The following FAM171A1 variants were observed in gnomAD, a reference collection of about 807,000 sequenced individuals.
The protein encoded by FAM171A1 is protein FAM171A1.
Under a neutral mutation model 74.9 loss-of-function variants are expected in FAM171A1, and 23 were observed. The ratio of observed to expected loss-of-function variants is 0.31; its 90% confidence interval spans 0.22 to 0.44. The LOEUF is 0.44. Among genes scored for constraint, FAM171A1 ranks in the 20% least tolerant of loss-of-function variants. The pLI, the probability that FAM171A1 is intolerant of heterozygous loss-of-function variation, is 1.00. For synonymous variants in FAM171A1, 527 were observed against 505.7 expected, an observed-to-expected ratio of 1.04 and a Z score of -0.57; for missense variants, 1,162 against 1,159.2, an observed-to-expected ratio of 1.00 and a Z score of -0.03.
chr10:15,288,813 C>CCTTT (rs777503257), intron 1 of FAM171A1, among the ~76,000 whole-genome samples: 3 of 73,688 alleles, frequency 4.1e-5, no homozygotes, highest in Admixed American at 2.0e-4. Context: ...TTCGGTAATT[C>CCTTT]TTTTTTTTTT....
chr10:15,315,141 A>G (rs1418526715), intron 1 of FAM171A1, among the ~76,000 whole-genome samples: 1 of 152,206 alleles, frequency 6.6e-6, no homozygotes, highest in African/African-American at 2.4e-5. Flanking sequence ...ACACACGTAT[A>G]CACCTGTGTA....
At position 15,275,940 on chromosome 10, in the gene FAM171A1, G is replaced by C. The variant is rs45568234; in HGVS notation, c.333C>G (p.Ser111=). 0.018 allele frequency: 28,393 copies of C among 1,607,270 alleles called. 343 individuals are homozygous for C. The highest frequency in any genetic ancestry group is 0.02 in the Non-Finnish European group (23,406 of 1,175,650). Residue 111 remains serine (S), a synonymous_variant, in exon 3 of 8, where the codon TCC becomes TCG. Coordinates refer to ENST00000378116, the MANE Select transcript of FAM171A1 (RefSeq NM_001010924.2). ...CTGGAAGCAGGCCAAGGCTCAGAGA[G>C]GAAAATACTGCAGGAAAAAGAAATG... ...PWKPIRLPVF[S]SLSLGLLPER... is the part of the protein sequence containing the mutation.
intron 1 of FAM171A1, among the ~76,000 whole-genome samples, chr10:15,315,901 A>G (rs1217152671): frequency 6.6e-6 from 1 of 152,204 alleles, no homozygotes; most frequent in African/African-American, 2.4e-5. Context: ...AGAAACAGAA[A>G]GAAAAATATA....
chr10:15,314,543 C>T (rs1039160194), intron 1 of FAM171A1, among the ~76,000 whole-genome samples: 2 of 152,132 alleles, frequency 1.3e-5, no homozygotes, highest in African/African-American at 2.4e-5. Context: ...AAATTGGGAC[C>T]GAGGTGTTCT....
At chr10:15,254,631 T>G in intron 4 of FAM171A1, 90 bp downstream of exon 4, 2 of 1,415,966 alleles carry the variant, frequency 1.4e-6, no homozygotes, top group Non-Finnish European at 1.9e-6. Flanking sequence ...TTCTCCCACA[T>G]AGTGCTAAAA....
chr10:15,337,873 C>T (rs1475799289), intron 1 of FAM171A1, among the ~76,000 whole-genome samples: 1 of 152,108 alleles, frequency 6.6e-6, no homozygotes, highest in Non-Finnish European at 1.5e-5. Flanking sequence ...ATCACTTGAA[C>T]CTGGGAGGCA....
chr10:15,336,840 T>G (rs924156901), intron 1 of FAM171A1, among the ~76,000 whole-genome samples: 4 of 152,150 alleles, frequency 2.6e-5, no homozygotes, highest in African/African-American at 9.7e-5. Flanking sequence ...CTACAACTGT[T>G]TTGATAATAA....
At chr10:15,304,487 C>G (rs1311198600) in intron 1 of FAM171A1, among the ~76,000 whole-genome samples, 7 of 152,184 alleles carry the variant, frequency 4.6e-5, no homozygotes, top group African/African-American at 1.4e-4. Context: ...GTGAGCTCCT[C>G]TGCCCCAGAA....
At chr10:15,274,221 A>G (rs1418835888) in intron 3 of FAM171A1, among the ~76,000 whole-genome samples, 2 of 152,340 alleles carry the variant, frequency 1.3e-5, no homozygotes, top group African/African-American at 2.4e-5. Flanking sequence ...AAAAATCACA[A>G]GCATTCCTAT....
chr10:15,234,068 T>C (rs1411616792), intron 5 of FAM171A1, among the ~76,000 whole-genome samples: 2 of 152,126 alleles, frequency 1.3e-5, no homozygotes, highest in Non-Finnish European at 2.9e-5. Flanking sequence ...ATTAGTAATT[T>C]GCCCAAGGAC....
At chr10:15,254,404 A>C (rs1834549292) in intron 4 of FAM171A1, among the ~76,000 whole-genome samples, 1 of 152,222 alleles carries the variant, frequency 6.6e-6, no homozygotes, top group South Asian at 2.1e-4. Flanking sequence ...CTTATACTTA[A>C]AAAAATTGCA....
chr10:15,250,029 T>C (rs1293422857), intron 4 of FAM171A1, among the ~76,000 whole-genome samples: 1 of 152,222 alleles, frequency 6.6e-6, no homozygotes, highest in Non-Finnish European at 1.5e-5. Context: ...CCTACCAAAC[T>C]GAGCTGATGT....
chr10:15,267,217 G>A (rs1379204853), intron 3 of FAM171A1, among the ~76,000 whole-genome samples: 1 of 152,238 alleles, frequency 6.6e-6, no homozygotes, highest in Non-Finnish European at 1.5e-5. Flanking sequence ...GGCACGCATG[G>A]GCAGGGGGAA....
At chr10:15,325,199 G>C (rs898494147) in intron 1 of FAM171A1, among the ~76,000 whole-genome samples, 2 of 152,206 alleles carry the variant, frequency 1.3e-5, no homozygotes, top group African/African-American at 4.8e-5. Flanking sequence ...AGCAGACAGA[G>C]AACTTTTAAG....
At chr10:15,255,527 G>T (rs1348229113) in intron 3 of FAM171A1, among the ~76,000 whole-genome samples, 2 of 152,210 alleles carry the variant, frequency 1.3e-5, no homozygotes, top group African/African-American at 4.8e-5. Context: ...GATGCAAAAT[G>T]ATGCTTCTTC....
intron 1 of FAM171A1, among the ~76,000 whole-genome samples, chr10:15,369,880 T>A (rs1243690685): frequency 6.6e-6 from 1 of 152,174 alleles, no homozygotes; most frequent in Non-Finnish European, 1.5e-5. Flanking sequence ...GGGCTCGGAA[T>A]CCCGGGGTTC....
chr10:15,236,487 C>T lies in FAM171A1; in HGVS notation c.754+12152G>A, dbSNP rs534779101. On this transcript the variant is annotated intron_variant, in intron 5 of 7. Coordinates refer to ENST00000378116, the MANE Select transcript of FAM171A1 (RefSeq NM_001010924.2). ...AGAGGAGAAAACTGAAGCCCAGAGA[C>T]GAAAAAGGACTTGCTCAAGACCACA... 4.0e-5 allele frequency among the ~76,000 whole-genome samples: 6 copies of T among 151,616 alleles called. No homozygotes were observed. In the South Asian group the frequency reaches 8.3e-4, roughly 21 times the overall value.
chr10:15,357,661 A>G (rs1835949181), intron 1 of FAM171A1, among the ~76,000 whole-genome samples: 1 of 152,228 alleles, frequency 6.6e-6, no homozygotes, highest in Non-Finnish European at 1.5e-5. Flanking sequence ...AATGAGATAC[A>G]TGCTGAAGTA....
At chr10:15,369,903 G>A (rs371315472) in intron 1 of FAM171A1, among the ~76,000 whole-genome samples, 9 of 152,240 alleles carry the variant, frequency 5.9e-5, no homozygotes, top group African/African-American at 1.9e-4. Flanking sequence ...CAGGGCTGCA[G>A]GGAGCTCCCT....
Sources: gnomAD v4.1 joint callset for allele counts (sites outside exome capture counted in the v4.1 genomes callset) on GRCh38, gnomAD v4.1.1 for gene constraint, MANE v1.5 for transcripts, NCBI Gene and HGNC (gene_info 2026-07-23, HGNC 2026-07-21) for gene names.